Variants in DLGAP2 observed in about 807,000 individuals in gnomAD.
DLGAP2 encodes the protein DLG associated protein 2, also known as disks large-associated protein 2.
In DLGAP2, 26 loss-of-function variants were observed where a neutral mutation model predicts 100.3. The observed-to-expected ratio is 0.26, with a 90% CI of 0.19 to 0.36. DLGAP2 has a LOEUF of 0.36. DLGAP2 is among the 10% of genes least tolerant of loss of function. The probability of loss-of-function intolerance (pLI) is 1.00; values close to 1 mark genes in which losing one functional copy is unlikely to be tolerated. For synonymous variants in DLGAP2, 886 were observed against 630.1 expected, an observed-to-expected ratio of 1.41 and a Z score of -6.08; for missense variants, 1,858 against 1,453.2, an observed-to-expected ratio of 1.28 and a Z score of -4.53.
rs530225233 is a variant in DLGAP2, at chr8:1,486,294, C to T, written c.107-15072C>T. Reference sequence around the variant, plus strand: ...GGCAGATGGAAAGCTGTGCAGTCTGCGTGTTCAAAGAGCATTTGCAAAAGG... The same window carrying T: ...GGCAGATGGAAAGCTGTGCAGTCTGTGTGTTCAAAGAGCATTTGCAAAAGG... On this transcript the variant is annotated intron_variant, in intron 3 of 14. Coordinates refer to ENST00000637795, the MANE Select transcript of DLGAP2 (RefSeq NM_001346810.2). Among the ~76,000 whole-genome samples, 8 of 152,298 alleles carry T rather than the reference C, an allele frequency of 5.3e-5. No homozygotes were observed. In the South Asian group the frequency reaches 6.2e-4, roughly 12 times the overall value.
At chr8:1,146,175 C>CCCTG in intron 2 of DLGAP2, among the ~76,000 whole-genome samples, 4 of 152,278 alleles carry the variant, frequency 2.6e-5, no homozygotes, top group African/African-American at 9.6e-5. Flanking sequence ...CCACAGGAGC[C>CCCTG]CCTGCAGGTG....
intron 3 of DLGAP2, among the ~76,000 whole-genome samples, chr8:1,430,830 C>A (rs556464802): frequency 6.6e-6 from 1 of 152,232 alleles, no homozygotes. Context: ...ACGTCTGACA[C>A]ATTAAATCAG....
chr8:993,608 G>A (rs1800691835), intron 2 of DLGAP2, among the ~76,000 whole-genome samples: 2 of 151,906 alleles, frequency 1.3e-5, no homozygotes. Flanking sequence ...TATTGCTGAT[G>A]CCTGGTGTGT....
At chr8:888,395 C>G (rs1485284256) in intron 1 of DLGAP2, among the ~76,000 whole-genome samples, 2 of 152,130 alleles carry the variant, frequency 1.3e-5, no homozygotes, top group African/African-American at 4.8e-5. Flanking sequence ...ATTTGTCCAC[C>G]TGATCCTCCA....
chr8:1,682,752 G>A (rs1339039850), intron 12 of DLGAP2, among the ~76,000 whole-genome samples: 1 of 151,460 alleles, frequency 6.6e-6, no homozygotes, highest in Non-Finnish European at 1.5e-5. Flanking sequence ...AGGATTACAG[G>A]TATGAACCAC....
chr8:785,548 T>C (rs1202687838), intron 1 of DLGAP2, among the ~76,000 whole-genome samples: 43 of 91,004 alleles, frequency 4.7e-4, no homozygotes, highest in Admixed American at 6.6e-4. Context: ...TCCCCTCAGG[T>C]CTCTCTGAGA....
At chr8:945,047 T>A (rs569468933) in intron 2 of DLGAP2, among the ~76,000 whole-genome samples, 1 of 152,338 alleles carries the variant, frequency 6.6e-6, no homozygotes, top group Admixed American at 6.5e-5. Context: ...AAGAGCAAAG[T>A]TCTTTCCACC....
At chr8:1,528,617 C>T (rs995767691) in intron 4 of DLGAP2, among the ~76,000 whole-genome samples, 2 of 152,246 alleles carry the variant, frequency 1.3e-5, no homozygotes, top group African/African-American at 4.8e-5. Context: ...TCTCCTGTCA[C>T]CACCTTCCGC....
chr8:1,197,877 C>T (rs79855962), intron 2 of DLGAP2, among the ~76,000 whole-genome samples: 7,734 of 152,298 alleles, frequency 0.051, 579 homozygotes, highest in African/African-American at 0.16. Context: ...CCTGGGCCCC[C>T]TGCAGTGTTT....
At chr8:993,996 A>G (rs1382636806) in intron 2 of DLGAP2, among the ~76,000 whole-genome samples, 1 of 152,000 alleles carries the variant, frequency 6.6e-6, no homozygotes, top group Non-Finnish European at 1.5e-5. Context: ...AGTGCTGTTT[A>G]TTAGTATACT....
chr8:983,742 A>C (rs1800408265), intron 2 of DLGAP2, among the ~76,000 whole-genome samples: 1 of 152,040 alleles, frequency 6.6e-6, no homozygotes, highest in Non-Finnish European at 1.5e-5. Context: ...TCCCAGGCTC[A>C]AGCAATCCTT....
chr8:1,263,098 A>T (rs1799383773), intron 3 of DLGAP2, among the ~76,000 whole-genome samples: 1 of 152,260 alleles, frequency 6.6e-6, no homozygotes, highest in Non-Finnish European at 1.5e-5. Flanking sequence ...ATATTATTAT[A>T]TAAATGTAGC....
intron 3 of DLGAP2, among the ~76,000 whole-genome samples, chr8:1,297,633 G>A (rs1243375265): frequency 8.4e-6 from 1 of 118,664 alleles, no homozygotes; most frequent in African/African-American, 3.5e-5. Flanking sequence ...GAGGAGAAAC[G>A]TGGCAGGCGT....
intron 3 of DLGAP2, among the ~76,000 whole-genome samples, chr8:1,364,009 G>C (rs972790109): frequency 1.3e-5 from 2 of 152,294 alleles, no homozygotes; most frequent in East Asian, 1.9e-4. Context: ...AGGTGCACCA[G>C]GTGGTACCCC....
intron 2 of DLGAP2, among the ~76,000 whole-genome samples, chr8:1,156,666 G>C (rs1304506295): frequency 6.6e-6 from 1 of 151,680 alleles, no homozygotes; most frequent in Non-Finnish European, 1.5e-5. Context: ...CAGCGCCCCA[G>C]CTTAGCGTCC....
chr8:1,357,072 T>G (rs937520263), intron 3 of DLGAP2, among the ~76,000 whole-genome samples: 1 of 148,078 alleles, frequency 6.8e-6, no homozygotes, highest in Admixed American at 6.7e-5. Flanking sequence ...TTTGCAGACT[T>G]TGATCCAATG....
intron 3 of DLGAP2, among the ~76,000 whole-genome samples, chr8:1,448,946 G>C (rs1798060437): frequency 6.6e-6 from 1 of 152,192 alleles, no homozygotes; most frequent in African/African-American, 2.4e-5. Flanking sequence ...CTTCAAGGAA[G>C]CAAAGTCTGT....
chr8:997,584 A>G, intron 2 of DLGAP2, among the ~76,000 whole-genome samples: 1 of 152,220 alleles, frequency 6.6e-6, no homozygotes, highest in East Asian at 1.9e-4. Context: ...AAAGCATAAA[A>G]TGTAACTATT....
intron 2 of DLGAP2, among the ~76,000 whole-genome samples, chr8:1,180,902 G>A (rs28756328): frequency 0.54 from 65,684 of 121,142 alleles, 18,573 homozygotes; most frequent in Admixed American, 0.63. Context: ...TACACTTACT[G>A]TCGAGTGTGG....
Sources: gnomAD v4.1 joint callset for allele counts (sites outside exome capture counted in the v4.1 genomes callset) on GRCh38, gnomAD v4.1.1 for gene constraint, MANE v1.5 for transcripts, NCBI Gene and HGNC (gene_info 2026-07-23, HGNC 2026-07-21) for gene names.